ERICH6: variants seen among roughly 807,000 people sequenced by gnomAD.
ERICH6 encodes glutamate-rich protein 6.
A neutral mutation model predicts 71.0 loss-of-function variants in ERICH6; 71 were observed. The ratio of observed to expected loss-of-function variants is 1.00; its 90% CI spans 0.83 to 1.22. The LOEUF (loss-of-function observed/expected upper bound fraction) is 1.22. Among genes scored for constraint, ERICH6 ranks in the 50% most tolerant of loss-of-function variants. ERICH6 has a pLI of 0.00. For missense variants in ERICH6, 808 were observed against 797.2 expected (o/e 1.01, Z -0.16); for synonymous variants, 262 against 278.4 (o/e 0.94, Z 0.59).
intron 10 of ERICH6, among the ~76,000 whole-genome samples, 196 bp from the exon 11 acceptor site, chr3:150,674,237 T>G (rs546815787): frequency 3.3e-5 from 5 of 152,268 alleles, no homozygotes; most frequent in Admixed American, 2.0e-4. Context: ...AAGTATAACT[T>G]GATAAAAATC....
chr3:150,685,533 T>C (rs1448955546), intron 6 of ERICH6, among the ~76,000 whole-genome samples: 1 of 152,184 alleles, frequency 6.6e-6, no homozygotes, highest in Non-Finnish European at 1.5e-5. Context: ...AGTAAGTTTC[T>C]GTTGTTTTAA....
At chr3:150,699,684 C>T (rs919577573) in intron 2 of ERICH6, among the ~76,000 whole-genome samples, 2 of 148,532 alleles carry the variant, frequency 1.3e-5, no homozygotes, top group Non-Finnish European at 3.0e-5. Flanking sequence ...CAAAGGAGAA[C>T]TTTAATATAT....
At chr3:150,675,780 G>C (rs1711627402) in intron 10 of ERICH6, among the ~76,000 whole-genome samples, 1 of 150,858 alleles carries the variant, frequency 6.6e-6, no homozygotes, top group African/African-American at 2.4e-5. Context: ...GAGGTCATCT[G>C]CTAATCTAAT....
intron 10 of ERICH6, among the ~76,000 whole-genome samples, chr3:150,674,701 A>C (rs1009170420): frequency 2.0e-5 from 3 of 152,244 alleles, no homozygotes; most frequent in Non-Finnish European, 4.4e-5. Flanking sequence ...AAGAATGATC[A>C]AAGAGTGTCA....
Position 150,703,920 on chromosome 3 carries a change from C to T in ERICH6, c.-22G>A. 6.2e-7 allele frequency: 1 copy of T among 1,611,088 alleles called. No homozygotes were observed. Among genetic ancestry groups the T allele is most frequent in the Non-Finnish European group, 8.5e-7 (1 of 1,178,424 alleles). The stretch of plus-strand genomic sequence containing the variant: ...CCATGGCTGGCGGGAGGCGGGATTA[C>T]AGCCAGCTCTTTGGCCGCGGCCCCG... On this transcript the variant is annotated 5_prime_UTR_variant, in exon 1 of 14. Transcript: ENST00000295910.
chr3:150,692,006 C>A (rs1712457608), intron 3 of ERICH6, among the ~76,000 whole-genome samples: 1 of 152,008 alleles, frequency 6.6e-6, no homozygotes, highest in Admixed American at 6.6e-5. Flanking sequence ...ATTGTAAGAG[C>A]CAATTTTGAG....
chr3:150,684,497 T>G (rs1433898810), intron 6 of ERICH6, among the ~76,000 whole-genome samples: 1 of 152,154 alleles, frequency 6.6e-6, no homozygotes, highest in Non-Finnish European at 1.5e-5. Flanking sequence ...TTATTGTTAA[T>G]GAATAAACCT....
chr3:150,684,775 GTTC>G (rs1712110049), intron 6 of ERICH6, among the ~76,000 whole-genome samples: 1 of 151,872 alleles, frequency 6.6e-6, no homozygotes, highest in Admixed American at 6.6e-5. Flanking sequence ...TCCAGGTTTT[GTTC>G]TTTTTCTTTC....
At position 150,689,332 on chromosome 3, in the gene ERICH6, C is replaced by T. The variant is rs541213402; in HGVS notation, c.554-2978G>A. On this transcript the variant is annotated intron_variant, in intron 3 of 13. Coordinates refer to ENST00000295910, the MANE Select transcript of ERICH6 (RefSeq NM_152394.5). Reference sequence around the variant, plus strand: ...CATAACAAGGCCACCTTTTTGCTAGCCAGGCCAAACTGAAACAGTGGTTGT... The same window carrying T: ...CATAACAAGGCCACCTTTTTGCTAGTCAGGCCAAACTGAAACAGTGGTTGT... 7.9e-5 allele frequency among the ~76,000 whole-genome samples: 12 copies of T among 152,212 alleles called. No individual in the cohort carries two copies. The South Asian group carries it at 2.5e-3, about 32-fold the overall frequency.
rs1216954603 is a variant in ERICH6 at position 150,660,044 on chromosome 3, C to T, written c.1840G>A (p.Val614Met). 1 of 1,614,036 alleles carries T rather than the reference C, an allele frequency of 6.2e-7. No homozygotes were observed. The highest frequency in any genetic ancestry group is 8.5e-7 in the Non-Finnish European group (1 of 1,180,016). Residue 614 changes from valine to methionine, a missense_variant, in exon 14 of 14, where the codon GTG becomes ATG. Transcript: ENST00000295910. The stretch of plus-strand genomic sequence containing the variant: ...CAAACCTGGCTTGAGGGAAAATTCA[C>T]ACATCCTTCAAGTTTATGAAACAGG... ...RRLFHKLEGC[V>M]NFPSSQVWEK... is the part of the protein sequence containing the mutation.
intron 11 of ERICH6, among the ~76,000 whole-genome samples, chr3:150,672,415 T>G (rs1009672306): frequency 6.6e-6 from 1 of 151,642 alleles, no homozygotes; most frequent in Non-Finnish European, 1.5e-5. Context: ...CTTGGCAACA[T>G]AGCGAAACCC....
At chr3:150,670,097 T>C (rs1450708844) in intron 11 of ERICH6, among the ~76,000 whole-genome samples, 1 of 152,168 alleles carries the variant, frequency 6.6e-6, no homozygotes, top group Non-Finnish European at 1.5e-5. Flanking sequence ...ATTAAAACTA[T>C]ACTTAATGGT....
chr3:150,670,831 T>C lies in ERICH6; in HGVS notation c.1344-1380A>G, dbSNP rs567513850. Among the ~76,000 whole-genome samples, 225 of 152,350 alleles carry C rather than the reference T, an allele frequency of 1.5e-3. 1 individual carries two copies. Among genetic ancestry groups the C allele is most frequent in the African/African-American group, 4.4e-3 (184 of 41,592 alleles). On this transcript the variant is annotated intron_variant, in intron 11 of 13. Coordinates refer to ENST00000295910, the MANE Select transcript of ERICH6 (RefSeq NM_152394.5). ...CTAACTCTTAATACTCATTTCCATATCCAGGCTGGTTAGAAGTCCAGAAAT... is the reference window on the plus strand; with the variant it reads ...CTAACTCTTAATACTCATTTCCATACCCAGGCTGGTTAGAAGTCCAGAAAT...
rs1382657542 is a variant in ERICH6 at position 150,666,717 on chromosome 3, T to A, written c.1728+70A>T. ...CACTAGTGTAATCTATCAGTAATAA[T>A]ACTAACAAAAGTTAGTTTACTCTTA... On this transcript the variant is annotated intron_variant, in intron 13 of 13. Transcript: ENST00000295910. 6.7e-6 allele frequency: 9 copies of A among 1,340,812 alleles called. No individual in the cohort carries two copies. In the Admixed American group the frequency reaches 1.4e-4, roughly 21 times the overall value. The allele number at this position is 1,340,812 out of a possible 1,614,324, so 83.1% of individuals were successfully genotyped here. A position where few individuals can be genotyped will look rare whatever the true frequency, so the allele number is the denominator to read the frequency against.
intron 13 of ERICH6, among the ~76,000 whole-genome samples, chr3:150,663,452 GTTAAGT>G (rs1157199970): frequency 1.3e-5 from 2 of 152,296 alleles, no homozygotes; most frequent in East Asian, 3.9e-4. Flanking sequence ...GTTCTGCTGT[GTTAAGT>G]TTTTTCTTTT....
chr3:150,693,882 T>C (rs1044368910), intron 3 of ERICH6, among the ~76,000 whole-genome samples: 17 of 152,224 alleles, frequency 1.1e-4, no homozygotes, highest in Admixed American at 3.9e-4. Flanking sequence ...TTTTTCCTTC[T>C]TTCTTCCCCC....
At chr3:150,680,333 G>T in intron 9 of ERICH6, 135 bp downstream of exon 9, 4 of 858,302 alleles carry the variant, frequency 4.7e-6, no homozygotes, top group Non-Finnish European at 7.3e-6. Context: ...TTCCCAAAGT[G>T]TTGGGATTAC....
At chr3:150,661,957 C>T (rs185993003) in intron 13 of ERICH6, among the ~76,000 whole-genome samples, 14 of 152,110 alleles carry the variant, frequency 9.2e-5, no homozygotes, top group African/African-American at 2.9e-4. Context: ...ATGTGGTTTG[C>T]CCGAGAACAT....
At position 150,660,071 on chromosome 3, in the gene ERICH6, G is replaced by A. The variant is rs370477652; in HGVS notation, c.1813C>T (p.Arg605Cys). The change falls in exon 14 of 14, where the codon CGC (arginine) becomes TGC (cysteine). Residue 605 changes from arginine (R) to cysteine (C), a missense_variant. Arg to Cys is a radical substitution (Grantham distance 180). This residue lies in a region of ERICH6 where 736 missense variants were observed against 712.2 expected (regional missense o/e 1.03). Coordinates refer to ENST00000295910, the MANE Select transcript of ERICH6 (RefSeq NM_152394.5). The stretch of plus-strand genomic sequence containing the variant: ...CATCCTTCAAGTTTATGAAACAGGC[G>A]ACGGATCTTTATTAAACTGGCCAGC... ...LLLASLIKIR[R>C]LFHKLEGCVN... 56 of 1,614,056 alleles carry A rather than the reference G, an allele frequency of 3.5e-5. No homozygotes were observed. In the South Asian group the frequency reaches 4.7e-4, roughly 14 times the overall value.
Sources: gnomAD v4.1 joint callset for allele counts (sites outside exome capture counted in the v4.1 genomes callset) on GRCh38, gnomAD v4.1.1 for gene constraint, gnomAD v4.1.1 regional missense constraint, MANE v1.5 for transcripts, NCBI Gene and HGNC (gene_info 2026-07-23, HGNC 2026-07-21) for gene names.